Variants in ITPK1 observed in about 807,000 individuals in gnomAD.
The protein encoded by ITPK1 is inositol 1,3,4-trisphosphate 5/6-kinase.
In ITPK1, 21 loss-of-function variants were observed where a neutral mutation model predicts 45.3. That is an observed-to-expected ratio of 0.46 (90% CI 0.33 to 0.67). The LOEUF is 0.67. Ranked by LOEUF, ITPK1 falls within the 30% of genes least tolerant of loss-of-function variation. ITPK1 has a pLI of 0.02. For missense variants in ITPK1, 474 were observed against 573.5 expected (o/e 0.83, Z 1.77); for synonymous variants, 258 against 253.6 (o/e 1.02, Z -0.16).
intron 2 of ITPK1, among the ~76,000 whole-genome samples, chr14:93,094,960 G>A (rs941537): frequency 0.061 from 9,267 of 152,278 alleles, 551 homozygotes; most frequent in African/African-American, 0.14. Flanking sequence ...CTGTCCGTGA[G>A]CGAGCTCCCT....
intron 2 of ITPK1, among the ~76,000 whole-genome samples, chr14:93,077,403 C>T (rs1405806801): frequency 1.3e-5 from 2 of 152,100 alleles, no homozygotes; most frequent in African/African-American, 2.4e-5. Context: ...CTACAACCTC[C>T]GCCTCCCGGG....
chr14:92,965,081 A>G (rs1885275389), intron 5 of ITPK1, among the ~76,000 whole-genome samples: 1 of 152,168 alleles, frequency 6.6e-6, no homozygotes, highest in African/African-American at 2.4e-5. Flanking sequence ...TACCCAGACC[A>G]TCTGACTCCC....
At chr14:93,037,539 C>G (rs991404191) in intron 3 of ITPK1, among the ~76,000 whole-genome samples, 4 of 152,204 alleles carry the variant, frequency 2.6e-5, no homozygotes, top group Non-Finnish European at 4.4e-5. Context: ...GAGCAGCCAC[C>G]TGCAAGGCTG....
At chr14:93,015,188 C>T (rs1265375611) in intron 4 of ITPK1, among the ~76,000 whole-genome samples, 3 of 152,194 alleles carry the variant, frequency 2.0e-5, no homozygotes, top group East Asian at 1.9e-4. Flanking sequence ...GGATGAGCAG[C>T]GGCTCACCTG....
intron 4 of ITPK1, among the ~76,000 whole-genome samples, chr14:93,009,428 C>G (rs1195050847): frequency 6.6e-6 from 1 of 152,196 alleles, no homozygotes; most frequent in East Asian, 1.9e-4. Flanking sequence ...CTGGGCTGCA[C>G]AAAGTCTAGC....
intron 3 of ITPK1, among the ~76,000 whole-genome samples, chr14:93,030,023 G>A (rs1490388958): frequency 6.6e-6 from 1 of 152,206 alleles, no homozygotes; most frequent in African/African-American, 2.4e-5. Context: ...TTCCCACAGA[G>A]GATTTCAGAT....
chr14:93,079,265 C>T lies in ITPK1; in HGVS notation c.96-2646G>A, dbSNP rs184021144. Reference sequence around the variant, plus strand: ...CCAGGAGCCACAGCAGTTCCTCTGTCGCTCAGAGCTCCAAAAAAAGGATAA... The same window carrying T: ...CCAGGAGCCACAGCAGTTCCTCTGTTGCTCAGAGCTCCAAAAAAAGGATAA... On this transcript the variant is annotated intron_variant, in intron 2 of 10. Coordinates refer to ENST00000267615, the MANE Select transcript of ITPK1 (RefSeq NM_014216.6). 1.0e-3 allele frequency among the ~76,000 whole-genome samples: 157 copies of T among 152,330 alleles called. 2 individuals are homozygous for T. Among genetic ancestry groups the T allele is most frequent in the African/African-American group, 3.2e-3 (135 of 41,560 alleles).
At chr14:92,944,258 A>G (rs1887573693) in intron 10 of ITPK1, among the ~76,000 whole-genome samples, 1 of 151,906 alleles carries the variant, frequency 6.6e-6, no homozygotes, top group South Asian at 2.1e-4. Context: ...TTGGCCCCAA[A>G]AGGGTGCTCT....
At chr14:93,084,861 A>G (rs1453690629) in intron 2 of ITPK1, among the ~76,000 whole-genome samples, 1 of 152,168 alleles carries the variant, frequency 6.6e-6, no homozygotes, top group Non-Finnish European at 1.5e-5. Flanking sequence ...ACTCCTGCCC[A>G]CCCACCAAGA....
chr14:92,940,574 G>A lies in ITPK1; in HGVS notation c.*987C>T. 1 of 1,184,372 alleles carries A rather than the reference G, an allele frequency of 8.4e-7. No homozygotes were observed. Among genetic ancestry groups the A allele is most frequent in the Non-Finnish European group, 1.1e-6 (1 of 938,906 alleles). 73.4% of individuals were successfully genotyped at this position (1,184,372 alleles called of 1,614,324 possible). ...AAGGAGTGAACCCACTGGGAAGAGGGCCCCGATCTCCATGGTGTCATGCCG... is the reference window on the plus strand; with the variant it reads ...AAGGAGTGAACCCACTGGGAAGAGGACCCCGATCTCCATGGTGTCATGCCG... On this transcript the variant is annotated 3_prime_UTR_variant, in exon 11 of 11. Transcript: ENST00000267615.
chr14:92,956,088 C>G (rs1884706867), intron 8 of ITPK1, among the ~76,000 whole-genome samples: 1 of 150,334 alleles, frequency 6.7e-6, no homozygotes, highest in African/African-American at 2.4e-5. Context: ...CTTTTTAGCT[C>G]TGTGTGTTTC....
At chr14:93,022,332 G>A (rs1044029244) in intron 3 of ITPK1, among the ~76,000 whole-genome samples, 4 of 152,310 alleles carry the variant, frequency 2.6e-5, no homozygotes, top group Non-Finnish European at 5.9e-5. Flanking sequence ...GAGCATGTGT[G>A]AAAACGGGGT....
intron 3 of ITPK1, among the ~76,000 whole-genome samples, chr14:93,055,597 T>C (rs956434374): frequency 2.6e-5 from 4 of 152,150 alleles, no homozygotes; most frequent in African/African-American, 7.2e-5. Context: ...TCAAGGGACA[T>C]ACAAATGCCA....
At chr14:93,001,113 T>C (rs1400228395) in intron 4 of ITPK1, among the ~76,000 whole-genome samples, 2 of 146,000 alleles carry the variant, frequency 1.4e-5, no homozygotes, top group Non-Finnish European at 3.0e-5. Flanking sequence ...GCCAACATGG[T>C]GAAACCCCGT....
At chr14:93,110,983 CCATCCCAACGAGGGATGTCCTCATCCCT>C (rs1384264718) in intron 2 of ITPK1, among the ~76,000 whole-genome samples, 1 of 151,990 alleles carries the variant, frequency 6.6e-6, no homozygotes, top group African/African-American at 2.4e-5. Flanking sequence ...CCTCATCCCT[CCATCCCAACGAGGGATGTCCTCATCCCT>C]CATCCCTCAT....
chr14:93,057,295 C>T (rs1015398366), intron 3 of ITPK1, among the ~76,000 whole-genome samples: 16 of 152,190 alleles, frequency 1.1e-4, no homozygotes, highest in African/African-American at 3.6e-4. Flanking sequence ...AGGCGAGGTC[C>T]AACGTGGAGA....
intron 4 of ITPK1, among the ~76,000 whole-genome samples, chr14:92,997,710 G>A (rs558051663): frequency 6.6e-6 from 1 of 152,292 alleles, no homozygotes; most frequent in East Asian, 1.9e-4. Context: ...ATGTTCCCTC[G>A]CAGGGCCTGC....
chr14:93,106,353 A>G (rs1892524314), intron 2 of ITPK1, among the ~76,000 whole-genome samples: 3 of 152,140 alleles, frequency 2.0e-5, no homozygotes, highest in African/African-American at 7.2e-5. Context: ...GGACACCCCG[A>G]CACCTCCTTG....
At chr14:93,022,841 CAACAAAAACAAAAA>C (rs1415893790) in intron 3 of ITPK1, among the ~76,000 whole-genome samples, 2 of 151,174 alleles carry the variant, frequency 1.3e-5, no homozygotes, top group South Asian at 2.1e-4. Flanking sequence ...TCTTAAAAAA[CAACAAAAACAAAAA>C]AACAAAAACA....
Sources: gnomAD v4.1 joint callset for allele counts (sites outside exome capture counted in the v4.1 genomes callset) on GRCh38, gnomAD v4.1.1 for gene constraint, MANE v1.5 for transcripts, NCBI Gene and HGNC (gene_info 2026-07-23, HGNC 2026-07-21) for gene names.